The following TBC1D19 variants were observed in gnomAD, a reference collection of about 807,000 sequenced individuals.
TBC1D19 encodes the protein TBC1 domain family member 19, also known as TBC1 domain family, member 19.
In TBC1D19, 60 loss-of-function variants were observed where a neutral mutation model predicts 89.0. The ratio of observed to expected loss-of-function variants is 0.67; its 90% CI spans 0.55 to 0.84. TBC1D19 has a LOEUF of 0.84. Ranked by LOEUF, TBC1D19 falls within the 40% of genes least tolerant of loss-of-function variation. TBC1D19 has a pLI of 0.00. For synonymous variants in TBC1D19, 189 were observed against 199.7 expected, an observed-to-expected ratio of 0.95 and a Z score of 0.45; for missense variants, 500 against 610.8, an observed-to-expected ratio of 0.82 and a Z score of 1.91.
chr4:26,676,716 C>CA (rs111713657), intron 11 of TBC1D19, among the ~76,000 whole-genome samples: 2,285 of 85,724 alleles, frequency 0.027, 65 homozygotes, highest in African/African-American at 0.081. Context: ...AAGACTGTCT[C>CA]AAAAAAAAAA....
chr4:26,668,372 G>C, intron 9 of TBC1D19, among the ~76,000 whole-genome samples: 1 of 151,868 alleles, frequency 6.6e-6, no homozygotes, highest in East Asian at 1.9e-4. Flanking sequence ...CTACAGTGCA[G>C]ATTTTCCTTC....
At chr4:26,590,796 GTTTTTTTTTTTTTTTTT>G (rs869124166) in intron 1 of TBC1D19, among the ~76,000 whole-genome samples, 1 of 52,958 alleles carries the variant, frequency 1.9e-5, no homozygotes, top group Non-Finnish European at 3.1e-5. Flanking sequence ...TTGCAGGTCT[GTTTTTTTTTTTTTTTTT>G]TTTTTTTTTT....
the TBC1D19 span, among the ~76,000 whole-genome samples, chr4:26,768,233 G>A: frequency 1.3e-5 from 2 of 152,144 alleles, no homozygotes; most frequent in Non-Finnish European, 2.9e-5. Flanking sequence ...GCATTCATGG[G>A]TAGAATACTC....
At chr4:26,679,785 T>A (rs1442830197) in intron 11 of TBC1D19, among the ~76,000 whole-genome samples, 1 of 152,238 alleles carries the variant, frequency 6.6e-6, no homozygotes, top group African/African-American at 2.4e-5. Flanking sequence ...ACCTCTTGCA[T>A]CAGCGTAGTT....
At chr4:26,631,223 A>G (rs1482951182) in intron 4 of TBC1D19, among the ~76,000 whole-genome samples, 1 of 152,042 alleles carries the variant, frequency 6.6e-6, no homozygotes, top group Admixed American at 6.6e-5. Context: ...TCAATTGACA[A>G]TGTTCAAGTT....
At chr4:26,819,768 A>G in the TBC1D19 span, among the ~76,000 whole-genome samples, 5 of 152,266 alleles carry the variant, frequency 3.3e-5, no homozygotes, top group African/African-American at 1.2e-4. Context: ...GCTCTCAGAC[A>G]CCTTTCTGAC....
intron 4 of TBC1D19, among the ~76,000 whole-genome samples, chr4:26,635,318 G>A (rs1743056037): frequency 6.6e-6 from 1 of 152,080 alleles, no homozygotes; most frequent in African/African-American, 2.4e-5. Context: ...TAAGGTGGGT[G>A]TAAAGATAAT....
chr4:26,639,966 C>A (rs1373563455), intron 6 of TBC1D19, among the ~76,000 whole-genome samples, 175 bp from the exon 7 acceptor site: 1 of 152,050 alleles, frequency 6.6e-6, no homozygotes, highest in African/African-American at 2.4e-5. Context: ...ATGTTAAGGG[C>A]AGAAATTGTC....
At chr4:26,622,659 A>G (rs971489471) in intron 4 of TBC1D19, among the ~76,000 whole-genome samples, 1 of 152,178 alleles carries the variant, frequency 6.6e-6, no homozygotes, top group Admixed American at 6.6e-5. Flanking sequence ...TTGAAAAATC[A>G]AAATAAGGAT....
At chr4:26,723,503 C>G (rs1717106556) in intron 15 of TBC1D19, among the ~76,000 whole-genome samples, 1 of 152,140 alleles carries the variant, frequency 6.6e-6, no homozygotes, top group Non-Finnish European at 1.5e-5. Flanking sequence ...GAGGTTTTCT[C>G]ACCACTACCC....
the TBC1D19 span, among the ~76,000 whole-genome samples, chr4:26,789,819 A>T: frequency 6.6e-6 from 1 of 152,224 alleles, no homozygotes; most frequent in Admixed American, 6.5e-5. Context: ...GGACAAAGAA[A>T]ATGTGGAGTA....
intron 19 of TBC1D19, among the ~76,000 whole-genome samples, chr4:26,752,706 T>G (rs1444386734): frequency 1.3e-5 from 2 of 152,224 alleles, no homozygotes; most frequent in African/African-American, 4.8e-5. Context: ...AAATGGGTCC[T>G]TCTGTTGTTT....
At chr4:26,828,086 G>T in the TBC1D19 span, among the ~76,000 whole-genome samples, 1 of 152,160 alleles carries the variant, frequency 6.6e-6, no homozygotes, top group Admixed American at 6.5e-5. Flanking sequence ...GCTTTCCTTA[G>T]GCGTGTAGTC....
chr4:26,638,947 T>C (rs1743311294), intron 6 of TBC1D19, 113 bp downstream of exon 6: 1 of 863,334 alleles, frequency 1.2e-6, no homozygotes, highest in Non-Finnish European at 1.8e-6. Context: ...ATTTTCCTTC[T>C]CATTAATTTT....
chr4:26,731,851 C>T (rs142082374), intron 15 of TBC1D19, among the ~76,000 whole-genome samples: 1 of 152,110 alleles, frequency 6.6e-6, no homozygotes, highest in African/African-American at 2.4e-5. Context: ...TCAGAAGTTA[C>T]GTCCGTAGGG....
chr4:26,811,540 G>A, the TBC1D19 span, among the ~76,000 whole-genome samples: 1 of 152,234 alleles, frequency 6.6e-6, no homozygotes, highest in African/African-American at 2.4e-5. Flanking sequence ...TCCCGATCCA[G>A]ACCCCTAGAG....
chr4:26,854,815 A>T, the TBC1D19 span, among the ~76,000 whole-genome samples: 1 of 149,710 alleles, frequency 6.7e-6, no homozygotes, highest in Non-Finnish European at 1.5e-5. Context: ...GCAGGTGGAC[A>T]GTGGCACCCA....
upstream of TBC1D19, chr4:26,583,996 A>C: frequency 1.7e-6 from 1 of 577,618 alleles, no homozygotes; most frequent in Non-Finnish European, 3.1e-6. Context: ...CGGAACGCAG[A>C]TGCTGTGGCC....
At chr4:26,590,023 A>G (rs1030595696) in intron 1 of TBC1D19, among the ~76,000 whole-genome samples, 2 of 152,212 alleles carry the variant, frequency 1.3e-5, no homozygotes, top group Non-Finnish European at 2.9e-5. Context: ...TTCCCCTTGC[A>G]TTTTGGGTTC....
Sources: gnomAD v4.1 joint callset for allele counts (sites outside exome capture counted in the v4.1 genomes callset) on GRCh38, gnomAD v4.1.1 for gene constraint, MANE v1.5 for transcripts, NCBI Gene and HGNC (gene_info 2026-07-23, HGNC 2026-07-21) for gene names.